Variants in MED23 observed in about 807,000 individuals in gnomAD.
MED23 encodes the protein mediator of RNA polymerase II transcription subunit 23.
Under a neutral mutation model 163.9 loss-of-function variants are expected in MED23, and 105 were observed. The observed-to-expected ratio is 0.64, with a 90% CI of 0.55 to 0.75. MED23 has a LOEUF of 0.75. Among genes scored for constraint, MED23 ranks in the 30% least tolerant of loss-of-function variants. The pLI is 0.00. For synonymous variants in MED23, 561 were observed against 565.6 expected (o/e 0.99, Z 0.12); for missense variants, 1,054 against 1,649.0 (o/e 0.64, Z 6.25).
At chr6:131,622,376 T>C (rs1279733631) in intron 5 of MED23, among the ~76,000 whole-genome samples, 1 of 152,196 alleles carries the variant, frequency 6.6e-6, no homozygotes, top group African/African-American at 2.4e-5. Context: ...TTCTGCTCAC[T>C]CCCTTTTGTG....
chr6:131,591,966 TG>T (rs749547113), intron 25 of MED23: 8 of 224,184 alleles, frequency 3.6e-5, no homozygotes, highest in Non-Finnish European at 6.1e-5. Flanking sequence ...GAGAAGGTGA[TG>T]GAAAGAAGAA....
chr6:131,618,849 C>T (rs1776882548), intron 8 of MED23, among the ~76,000 whole-genome samples: 1 of 152,222 alleles, frequency 6.6e-6, no homozygotes, highest in Admixed American at 6.5e-5. Flanking sequence ...CTTTTGCAGT[C>T]CAATGGCAGA....
downstream of MED23, chr6:131,583,817 T>G (rs1585430178): frequency 6.2e-7 from 1 of 1,614,008 alleles, no homozygotes. Flanking sequence ...ACTCGAACAG[T>G]GAACACAGCA....
intron 12 of MED23, among the ~76,000 whole-genome samples, chr6:131,607,557 C>T (rs1247177020): frequency 4.0e-5 from 6 of 151,876 alleles, no homozygotes; most frequent in African/African-American, 1.2e-4. Context: ...ACAACAACAA[C>T]AACAACAACA....
intron 12 of MED23, among the ~76,000 whole-genome samples, chr6:131,607,133 A>G (rs542096136): frequency 6.6e-6 from 1 of 152,130 alleles, no homozygotes; most frequent in East Asian, 2.0e-4. Flanking sequence ...AAAATTGTCC[A>G]ACATTAACAA....
chr6:131,591,231 G>A (rs1356789873), intron 26 of MED23, 82 bp downstream of exon 26: 2 of 1,062,418 alleles, frequency 1.9e-6, no homozygotes, highest in Non-Finnish European at 2.9e-6. Flanking sequence ...GCCCACCTCG[G>A]CCTCCCAAAG....
rs2114620809 is a variant in MED23, at chr6:131,596,510, A to G, written c.2778+8T>C. ...AGGACTATTTGAAATACCAATTAGG[A>G]CTAGTACCTTGTGATAATTCATGTG... On this transcript the variant is annotated splice_region_variant and intron_variant, in intron 21 of 28. Coordinates refer to ENST00000368068, the MANE Select transcript of MED23 (RefSeq NM_004830.4). The G allele has an allele frequency of 3.1e-6, 5 of 1,614,058 alleles. No homozygotes were observed. The highest frequency in any genetic ancestry group is 3.4e-6 in the Non-Finnish European group (4 of 1,179,914).
chr6:131,605,329 A>C lies in MED23; in HGVS notation c.1524T>G (p.Pro508=), dbSNP rs775234462. The change falls in exon 14 of 29, where the codon CCT becomes CCG. Residue 508 remains proline, a synonymous_variant. Transcript: ENST00000368068. ...TIYGNGIMRI[P]LPGTNCMASG... ...AAGCCATACAGTTTGTTCCAGGGAG[A>C]GGTATCCTCATAATTCCATTTCCAT... The C allele has an allele frequency of 5.6e-6, 9 of 1,613,294 alleles. No homozygotes were observed. Among genetic ancestry groups the C allele is most frequent in the Non-Finnish European group, 6.8e-6 (8 of 1,179,486 alleles).
intron 30 of MED23, among the ~76,000 whole-genome samples, chr6:131,576,281 T>G (rs1773608807): frequency 6.6e-6 from 1 of 152,234 alleles, no homozygotes; most frequent in South Asian, 2.1e-4. Flanking sequence ...TCAAAAGCCT[T>G]TTCATTATTG....
chr6:131,606,117 CTCAG>C (rs1775836843), intron 13 of MED23, among the ~76,000 whole-genome samples: 1 of 152,182 alleles, frequency 6.6e-6, no homozygotes, highest in Non-Finnish European at 1.5e-5. Context: ...TGAATGATAT[CTCAG>C]TCAGCTTATG....
downstream of MED23, among the ~76,000 whole-genome samples, chr6:131,585,130 G>A (rs1029602934): frequency 3.3e-5 from 5 of 151,830 alleles, no homozygotes; most frequent in Non-Finnish European, 7.4e-5. Context: ...GGCTTCCAAC[G>A]TTTCACCCTT....
chr6:131,581,949 T>C (rs1214617183), downstream of MED23, among the ~76,000 whole-genome samples: 3 of 152,232 alleles, frequency 2.0e-5, no homozygotes, highest in Non-Finnish European at 4.4e-5. Context: ...GAAAATAAAA[T>C]GGCAGATTAA....
chr6:131,584,168 TAA>T (rs1774084693), downstream of MED23: 1 of 447,846 alleles, frequency 2.2e-6, no homozygotes, highest in African/African-American at 2.0e-5. Context: ...GATTTCCAAT[TAA>T]AAATTTGCTG....
At position 131,579,250 on chromosome 6, in the gene MED23, C is replaced by CG. The variant is rs796051923; in HGVS notation, c.4096-4956dup. The CG allele has an allele frequency of 8.1e-6, 13 of 1,613,808 alleles. No homozygotes were observed. In the African/African-American group the frequency reaches 1.7e-4, roughly 22 times the overall value. ...GCAAGGTGGCAGAAGTCAAGAAGAA[C>CG]GGAAGAATCAGCCTGGTGCTGGGCG... On this transcript the variant is annotated intron_variant, in intron 30 of 30. Transcript: ENST00000354577.
At chr6:131,576,269 A>G (rs1773608328) in intron 30 of MED23, among the ~76,000 whole-genome samples, 1 of 152,226 alleles carries the variant, frequency 6.6e-6, no homozygotes, top group African/African-American at 2.4e-5. Context: ...AGGGACTCAA[A>G]GTCAAAAGCC....
intron 17 of MED23, among the ~76,000 whole-genome samples, chr6:131,600,986 AAAAACACTTGTG>A (rs1188897551): frequency 6.6e-6 from 1 of 152,150 alleles, no homozygotes; most frequent in Non-Finnish European, 1.5e-5. Context: ...TGTCTTGAGG[AAAAACACTTGTG>A]CACTTGTGTG....
downstream of MED23, chr6:131,583,774 A>C (rs773398169): frequency 6.2e-7 from 1 of 1,614,100 alleles, no homozygotes; most frequent in Non-Finnish European, 8.5e-7. Context: ...AATGGAAGTG[A>C]ACCCATCCCT....
At position 131,602,248 on chromosome 6, in the gene MED23, A is replaced by G. The variant is rs763009827; in HGVS notation, c.2065T>C (p.Leu689=). ...ESEELNRALI[L]TLARATHVTD... Reference sequence around the variant, plus strand: ...ACATGAGTTGCTCTAGCCAAGGTCAATATCAAGGCTCGGTTCAGTTCTTCA... The same window carrying G: ...ACATGAGTTGCTCTAGCCAAGGTCAGTATCAAGGCTCGGTTCAGTTCTTCA... Residue 689 remains leucine, a synonymous_variant, in exon 17 of 29, where the codon TTG becomes CTG. Coordinates refer to ENST00000368068, the MANE Select transcript of MED23 (RefSeq NM_004830.4). 42 of 1,613,824 alleles carry G rather than the reference A, an allele frequency of 2.6e-5. No individual in the cohort carries two copies. The Admixed American group carries it at 5.7e-4, about 22-fold the overall frequency.
intron 11 of MED23, 57 bp downstream of exon 11, chr6:131,609,989 T>C: frequency 6.6e-7 from 1 of 1,519,478 alleles, no homozygotes; most frequent in Non-Finnish European, 9.1e-7. Flanking sequence ...CCCACAGCAG[T>C]CTAAAATACA....
Sources: gnomAD v4.1 joint callset for allele counts (sites outside exome capture counted in the v4.1 genomes callset) on GRCh38, gnomAD v4.1.1 for gene constraint, MANE v1.5 for transcripts, NCBI Gene and HGNC (gene_info 2026-07-23, HGNC 2026-07-21) for gene names.